The following MYOM1 variants were observed in gnomAD, a reference collection of about 807,000 sequenced individuals.
MYOM1 encodes the protein myomesin 1.
In MYOM1, 164 loss-of-function variants were observed where a neutral mutation model predicts 205.3. That is an observed-to-expected ratio of 0.80 (90% CI 0.70 to 0.91). The LOEUF (loss-of-function observed/expected upper bound fraction) is 0.91. MYOM1 is among the 40% of genes least tolerant of loss of function. The pLI is 0.00. For synonymous variants in MYOM1, 772 were observed against 789.4 expected (o/e 0.98, Z 0.37); for missense variants, 2,011 against 2,127.3 (o/e 0.95, Z 1.08).
intron 19 of MYOM1, among the ~76,000 whole-genome samples, chr18:3,125,997 G>A (rs368333487): frequency 5.3e-5 from 8 of 151,202 alleles, no homozygotes; most frequent in African/African-American, 1.9e-4. Flanking sequence ...AGCCGGCCGC[G>A]GTGGCTCATG....
At chr18:3,131,518 A>G in intron 16 of MYOM1, 22 bp from the exon 17 acceptor site, 1 of 1,606,600 alleles carries the variant, frequency 6.2e-7, no homozygotes, top group Non-Finnish European at 8.5e-7. Context: ...ACAAGTTTTA[A>G]AAAATTTTCC....
chr18:3,237,082 A>G, the MYOM1 span, among the ~76,000 whole-genome samples: 5 of 152,332 alleles, frequency 3.3e-5, no homozygotes, highest in African/African-American at 7.2e-5. Flanking sequence ...TCAGAAAAAA[A>G]AGATTTATTA....
At chr18:3,101,793 G>T (rs2079379699) in intron 23 of MYOM1, among the ~76,000 whole-genome samples, 1 of 151,966 alleles carries the variant, frequency 6.6e-6, no homozygotes, top group Non-Finnish European at 1.5e-5. Context: ...GCATAAATGA[G>T]ATAATAAATA....
chr18:3,226,659 G>A, the MYOM1 span, among the ~76,000 whole-genome samples: 8 of 152,146 alleles, frequency 5.3e-5, no homozygotes, highest in Non-Finnish European at 1.0e-4. The surrounding 1 kb of genome is among the most constrained non-coding windows in gnomAD (Gnocchi z 4.6). Flanking sequence ...AGTTTTTCGT[G>A]TGGTATTTAC....
At chr18:3,240,681 A>G in the MYOM1 span, among the ~76,000 whole-genome samples, 5 of 152,234 alleles carry the variant, frequency 3.3e-5, no homozygotes, top group Non-Finnish European at 7.3e-5. Flanking sequence ...AGATACCCAA[A>G]AATGTGGAAG....
chr18:3,116,588 G>GT, intron 20 of MYOM1, 73 bp from the exon 21 acceptor site: 1 of 1,348,262 alleles, frequency 7.4e-7, no homozygotes, highest in Non-Finnish European at 1.0e-6. Context: ...AGAACCACTT[G>GT]TAAGTCTTCA....
the MYOM1 span, among the ~76,000 whole-genome samples, chr18:3,226,596 A>G: frequency 1.3e-5 from 2 of 151,952 alleles, no homozygotes; most frequent in South Asian, 2.1e-4. The surrounding 1 kb of genome is among the most constrained non-coding windows in gnomAD (Gnocchi z 4.6). Flanking sequence ...CGCTCCTTCA[A>G]CACCCCGTGC....
the MYOM1 span, among the ~76,000 whole-genome samples, chr18:3,229,719 C>T: frequency 0.049 from 7,509 of 152,088 alleles, 426 homozygotes; most frequent in African/African-American, 0.14. Context: ...CCTGTAATCC[C>T]AGCACTTTGG....
rs1330161086 is a variant in MYOM1 at position 3,135,109 on chromosome 18, C to G, written c.2210-285G>C. ...AATTACCAGGCATGTGCCACAACGC[C>G]TGGCTAATTTTTGTGTTTTCAGTAG... On this transcript the variant is annotated intron_variant, in intron 15 of 37. Coordinates refer to ENST00000356443, the MANE Select transcript of MYOM1 (RefSeq NM_003803.4). This position sits in a 1 kb window ranked among gnomAD's most constrained non-coding sequence, Gnocchi z 4.1. 3 of 365,936 alleles carry G rather than the reference C, an allele frequency of 8.2e-6. No homozygotes were observed. Among genetic ancestry groups the G allele is most frequent in the Non-Finnish European group, 1.5e-5 (3 of 195,384 alleles). The allele number at this position is 365,936 out of a possible 1,614,324, so 22.7% of individuals were successfully genotyped here.
chr18:3,118,582 C>G (rs2079640033), intron 20 of MYOM1, among the ~76,000 whole-genome samples: 1 of 152,116 alleles, frequency 6.6e-6, no homozygotes, highest in African/African-American at 2.4e-5. Flanking sequence ...AATCCCCCTG[C>G]CTCAGCCTCC....
At chr18:3,244,085 T>C in the MYOM1 span, among the ~76,000 whole-genome samples, 1 of 152,188 alleles carries the variant, frequency 6.6e-6, no homozygotes, top group Non-Finnish European at 1.5e-5. Flanking sequence ...CTGAATAACG[T>C]TCTGTTGTCG....
chr18:3,112,272 G>A, intron 22 of MYOM1, 26 bp downstream of exon 22: 1 of 1,596,720 alleles, frequency 6.3e-7, no homozygotes, highest in South Asian at 1.1e-5. Flanking sequence ...GATAGGATTA[G>A]TTTTAATGAA....
At chr18:3,182,280 T>C (rs1027500835) in intron 5 of MYOM1, among the ~76,000 whole-genome samples, 1 of 150,222 alleles carries the variant, frequency 6.7e-6, no homozygotes, top group African/African-American at 2.5e-5. Flanking sequence ...AAAGTATGCC[T>C]GTCATGAGGT....
chr18:3,201,061 A>G (rs1232937841), intron 2 of MYOM1, among the ~76,000 whole-genome samples: 2 of 152,154 alleles, frequency 1.3e-5, no homozygotes, highest in Non-Finnish European at 2.9e-5. Context: ...GAAAAATGGC[A>G]CCGACATGAC....
In MYOM1 at chr18:3,122,846, C is replaced by T. The variant is rs563223539; in HGVS notation, c.2992-2851G>A. ...ATAATTTTAATTAACTGTTGGCAAA[C>T]GGGGAATAGAAGGAAACTTCCTTTA... On this transcript the variant is annotated intron_variant, in intron 19 of 37. Coordinates refer to ENST00000356443, the MANE Select transcript of MYOM1 (RefSeq NM_003803.4). Among the ~76,000 whole-genome samples the T allele has an allele frequency of 5.3e-5, 8 of 152,244 alleles. No homozygotes were observed. The South Asian group carries it at 8.3e-4, about 16-fold the overall frequency.
At chr18:3,105,260 A>G (rs1300267780) in intron 22 of MYOM1, among the ~76,000 whole-genome samples, 5 of 152,196 alleles carry the variant, frequency 3.3e-5, no homozygotes, top group Non-Finnish European at 7.3e-5. Flanking sequence ...TCTCCACCCC[A>G]TAACAACATT....
chr18:3,246,442 C>T, the MYOM1 span: 2 of 152,156 alleles, frequency 1.3e-5, no homozygotes, highest in African/African-American at 4.8e-5. Context: ...TTAATTAGTA[C>T]CCCAAGTCAT....
chr18:3,243,058 C>G, the MYOM1 span, among the ~76,000 whole-genome samples: 1 of 152,068 alleles, frequency 6.6e-6, no homozygotes, highest in Non-Finnish European at 1.5e-5. Context: ...CATTTATCAT[C>G]CCTGACTTTA....
At position 3,085,193 on chromosome 18, in the gene MYOM1, A is replaced by ATT. The variant is rs148266515; in HGVS notation, c.4252-63_4252-62dup. On this transcript the variant is annotated intron_variant, in intron 30 of 37. Coordinates refer to ENST00000356443, the MANE Select transcript of MYOM1 (RefSeq NM_003803.4). ...GTAGCCCCAGGGCACGGTATCTGTGATTTTTTTTTTTCTTCTGCTTCTTCT... is the reference window on the plus strand; with the variant it reads ...GTAGCCCCAGGGCACGGTATCTGTGATTTTTTTTTTTTTCTTCTGCTTCTTCT... 14,433 of 503,658 alleles carry ATT rather than the reference A, an allele frequency of 0.029. 347 individuals are homozygous for ATT. Among genetic ancestry groups the ATT allele is most frequent in the African/African-American group, 0.092 (2,882 of 31,168 alleles). 31.2% of individuals were successfully genotyped at this position (503,658 alleles called of 1,614,324 possible). A position where few individuals can be genotyped will look rare whatever the true frequency, so the allele number is the denominator to read the frequency against.
Sources: gnomAD v4.1 joint callset for allele counts (sites outside exome capture counted in the v4.1 genomes callset) on GRCh38, gnomAD v4.1.1 for gene constraint, Gnocchi (gnomAD v3.1) non-coding constraint, MANE v1.5 for transcripts, NCBI Gene and HGNC (gene_info 2026-07-23, HGNC 2026-07-21) for gene names.